The following TMEM131L variants were observed in gnomAD, a reference collection of about 807,000 sequenced individuals.
TMEM131L encodes transmembrane protein 131-like.
Under a neutral mutation model 192.2 loss-of-function variants are expected in TMEM131L, and 54 were observed. That is an observed-to-expected ratio of 0.28 (90% confidence interval 0.23 to 0.35). The LOEUF (loss-of-function observed/expected upper bound fraction) is 0.35. Ranked by LOEUF, TMEM131L falls within the 10% of genes least tolerant of loss-of-function variation. TMEM131L has a pLI of 1.00. For synonymous variants in TMEM131L, 701 were observed against 704.9 expected, an observed-to-expected ratio of 0.99 and a Z score of 0.09; for missense variants, 1,888 against 1,972.9, an observed-to-expected ratio of 0.96 and a Z score of 0.82.
In TMEM131L at chr4:153,604,073, A is replaced by G. The variant is rs1176514788; in HGVS notation, c.3061A>G (p.Ile1021Val). 3 of 1,614,206 alleles carry G rather than the reference A, an allele frequency of 1.9e-6. No individual in the cohort carries two copies. The highest frequency in any genetic ancestry group is 1.3e-5 in the African/African-American group (1 of 75,062). Residue 1021 changes from isoleucine to valine, a missense_variant, in exon 25 of 35, where the codon ATT (isoleucine) becomes GTT (valine). Coordinates refer to ENST00000409959, the MANE Select transcript of TMEM131L (RefSeq NM_001131007.2). ...CTCACTGCCTGCTGCTAAAGAGGAC[A>G]TTTGCACTGATGCCATGCGTGAGAA... ...GSSLPAAKED[I>V]CTDAMRENWI...
intron 6 of TMEM131L, among the ~76,000 whole-genome samples, chr4:153,557,635 A>G (rs1728562907): frequency 6.6e-6 from 1 of 152,180 alleles, no homozygotes; most frequent in Admixed American, 6.5e-5. Flanking sequence ...GCATTTAACA[A>G]GATCTGGCAT....
At chr4:153,617,789 C>G (rs1733094114) in intron 26 of TMEM131L, among the ~76,000 whole-genome samples, 1 of 151,610 alleles carries the variant, frequency 6.6e-6, no homozygotes, top group Non-Finnish European at 1.5e-5. Flanking sequence ...AAAGAGGAGA[C>G]ACAAGGTAGT....
At chr4:153,566,507 G>A (rs964071706) in intron 7 of TMEM131L, among the ~76,000 whole-genome samples, 1 of 120,898 alleles carries the variant, frequency 8.3e-6, no homozygotes, top group African/African-American at 3.6e-5. Flanking sequence ...TTGTCTTTGT[G>A]TGTGAGTGTG....
intron 15 of TMEM131L, 140 bp from the exon 16 acceptor site, chr4:153,588,750 A>T: frequency 3.5e-6 from 2 of 566,834 alleles, no homozygotes; most frequent in Non-Finnish European, 3.1e-6. Flanking sequence ...TTTAATAAAT[A>T]AGCAGCAGAG....
intron 16 of TMEM131L, among the ~76,000 whole-genome samples, chr4:153,589,613 C>T (rs538457764): frequency 1.3e-5 from 2 of 152,340 alleles, no homozygotes; most frequent in South Asian, 4.1e-4. Context: ...CAGTTGACCA[C>T]AGGTAACTGA....
intron 4 of TMEM131L, among the ~76,000 whole-genome samples, chr4:153,550,941 A>G (rs1191786280): frequency 6.6e-6 from 1 of 152,162 alleles, no homozygotes; most frequent in African/African-American, 2.4e-5. Flanking sequence ...ACAGTGTGAT[A>G]TGAGTGTCAG....
At chr4:153,553,631 GTTTAT>G (rs571688648) in intron 4 of TMEM131L, among the ~76,000 whole-genome samples, 234 of 152,258 alleles carry the variant, frequency 1.5e-3, no homozygotes, top group African/African-American at 5.3e-3. Context: ...TTTTGCTATG[GTTTAT>G]TTTGATGTTG....
chr4:153,494,930 G>T (rs1733059559), intron 3 of TMEM131L, among the ~76,000 whole-genome samples: 2 of 152,192 alleles, frequency 1.3e-5, no homozygotes, highest in South Asian at 4.1e-4. Context: ...TGCGTGATCC[G>T]GGGAAGTGTG....
At position 153,626,256 on chromosome 4, in the gene TMEM131L, A is replaced by G. The variant is rs1733835947; in HGVS notation, c.4124+31A>G. 4.4e-6 allele frequency: 6 copies of G among 1,371,798 alleles called. No homozygotes were observed. The East Asian group carries it at 1.1e-4, about 26-fold the overall frequency. 85.0% of individuals were successfully genotyped at this position (1,371,798 alleles called of 1,614,324 possible). ...TTTTTTATTTTCCAGCTTTTACAGT[A>G]TGTTTTGTGTACTGCTTTTTCTACC... On this transcript the variant is annotated intron_variant, in intron 30 of 34. Coordinates refer to ENST00000409959, the MANE Select transcript of TMEM131L (RefSeq NM_001131007.2).
chr4:153,582,427 T>C (rs888293799), intron 9 of TMEM131L, among the ~76,000 whole-genome samples: 1 of 122,162 alleles, frequency 8.2e-6, no homozygotes, highest in Non-Finnish European at 1.5e-5. Context: ...ACCGTTTTTT[T>C]TTGTTGTTTT....
intron 7 of TMEM131L, among the ~76,000 whole-genome samples, chr4:153,577,150 A>G (rs1730005492): frequency 6.6e-6 from 1 of 152,114 alleles, no homozygotes; most frequent in Non-Finnish European, 1.5e-5. Flanking sequence ...AAAGGGACAG[A>G]AAATTCAAAG....
chr4:153,484,560 C>G (rs1732173691), intron 3 of TMEM131L, among the ~76,000 whole-genome samples: 1 of 151,040 alleles, frequency 6.6e-6, no homozygotes, highest in South Asian at 2.1e-4. Flanking sequence ...GCTCTGCCTC[C>G]CGGGTTCATG....
intron 7 of TMEM131L, among the ~76,000 whole-genome samples, chr4:153,564,064 A>G (rs1192064440): frequency 6.6e-6 from 1 of 151,748 alleles, no homozygotes; most frequent in Non-Finnish European, 1.5e-5. Flanking sequence ...CGAGGTGGGC[A>G]GATTACCTGA....
chr4:153,590,868 A>G (rs1194696878), intron 16 of TMEM131L, among the ~76,000 whole-genome samples, 185 bp from the exon 17 acceptor site: 1 of 152,176 alleles, frequency 6.6e-6, no homozygotes, highest in Non-Finnish European at 1.5e-5. Context: ...CTAGTAAAAC[A>G]GGGCCTTCTA....
rs1467803089 is a variant in TMEM131L, at chr4:153,632,846, T to C, written c.4328+8T>C. On this transcript the variant is annotated splice_region_variant and intron_variant, in intron 32 of 34. Coordinates refer to ENST00000409959, the MANE Select transcript of TMEM131L (RefSeq NM_001131007.2). ...GGCCCCGGTTCATAATAGGTACAGCTTCACTTCTCTGATTGGTGCCTTGCT... is the reference window on the plus strand; with the variant it reads ...GGCCCCGGTTCATAATAGGTACAGCCTCACTTCTCTGATTGGTGCCTTGCT... The C allele has an allele frequency of 2.5e-6, 4 of 1,613,952 alleles. No individual in the cohort carries two copies. In the South Asian group the frequency reaches 4.4e-5, roughly 18 times the overall value.
intron 21 of TMEM131L, among the ~76,000 whole-genome samples, chr4:153,601,606 GAT>G (rs1476732311): frequency 6.6e-6 from 1 of 152,160 alleles, no homozygotes; most frequent in African/African-American, 2.4e-5. Flanking sequence ...AATTCACAAG[GAT>G]ATTTAAAAAT....
chr4:153,520,203 G>T (rs745522462), intron 3 of TMEM131L, among the ~76,000 whole-genome samples: 1 of 152,028 alleles, frequency 6.6e-6, no homozygotes, highest in Non-Finnish European at 1.5e-5. Flanking sequence ...TGTTGTTATC[G>T]CAGCACTTTG....
At chr4:153,590,292 C>T (rs890983546) in intron 16 of TMEM131L, among the ~76,000 whole-genome samples, 8 of 152,258 alleles carry the variant, frequency 5.3e-5, no homozygotes, top group Admixed American at 3.9e-4. Flanking sequence ...CTGATTGTTT[C>T]CTCAAGTTCA....
chr4:153,551,220 A>T (rs1254786709), intron 4 of TMEM131L, among the ~76,000 whole-genome samples: 1 of 152,236 alleles, frequency 6.6e-6, no homozygotes, highest in African/African-American at 2.4e-5. Flanking sequence ...TGTGAATGAA[A>T]TAACCATGGC....
Sources: allele counts gnomAD v4.1 joint callset (sites outside exome capture counted in the v4.1 genomes callset), GRCh38; gene constraint gnomAD v4.1.1; transcripts MANE v1.5; gene names NCBI Gene and HGNC (gene_info 2026-07-23, HGNC 2026-07-21).